BRINP3: variants seen among roughly 807,000 people sequenced by gnomAD.
The protein encoded by BRINP3 is BMP/retinoic acid-inducible neural-specific protein 3.
BRINP3 carries 19 observed loss-of-function variants against 71.0 expected under a neutral mutation model. The ratio of observed to expected loss-of-function variants is 0.27; its 90% CI spans 0.19 to 0.39. The LOEUF is 0.39. Ranked by LOEUF, BRINP3 falls within the 10% of genes least tolerant of loss-of-function variation. BRINP3 has a pLI of 1.00. For missense variants in BRINP3, 959 were observed against 940.8 expected, an observed-to-expected ratio of 1.02 and a Z score of -0.25; for synonymous variants, 380 against 337.7, an observed-to-expected ratio of 1.13 and a Z score of -1.37.
intron 4 of BRINP3, among the ~76,000 whole-genome samples, chr1:190,244,054 A>G (rs1299867945): frequency 6.6e-6 from 1 of 152,106 alleles, no homozygotes; most frequent in Non-Finnish European, 1.5e-5. Flanking sequence ...AGTGAATTGT[A>G]TAATTATTTC....
chr1:190,104,983 C>A (rs1415158720), intron 7 of BRINP3, among the ~76,000 whole-genome samples: 2 of 151,938 alleles, frequency 1.3e-5, no homozygotes, highest in Admixed American at 1.3e-4. Flanking sequence ...TTATTTCAGC[C>A]TTCATAGATT....
rs1558160185 is a variant in BRINP3 at position 190,301,156 on chromosome 1, T to TATATATAC, written c.237-19407_237-19406insGTATATAT. Among the ~76,000 whole-genome samples, 72 of 114,186 alleles carry TATATATAC rather than the reference T, an allele frequency of 6.3e-4. 1 individual carries two copies. Among genetic ancestry groups the TATATATAC allele is most frequent in the East Asian group, 5.0e-3 (21 of 4,218 alleles). The allele number at this position is 114,186 out of a possible 152,430, so 74.9% of individuals were successfully genotyped here. ...ATACATATATATATACACACATACATATATATATACATATATATACATATA... is the reference window on the plus strand; with the variant it reads ...ATACATATATATATACACACATACATATATATACATATATATACATATATATACATATA... On this transcript the variant is annotated intron_variant, in intron 2 of 7. Transcript: ENST00000367462.
intron 7 of BRINP3, among the ~76,000 whole-genome samples, chr1:190,113,530 G>A (rs1298737347): frequency 3.9e-5 from 6 of 152,164 alleles, no homozygotes; most frequent in Non-Finnish European, 8.8e-5. Flanking sequence ...CAAACAGCAT[G>A]TGTCTCCTTT....
intron 2 of BRINP3, among the ~76,000 whole-genome samples, chr1:190,367,040 A>G (rs1171135315): frequency 6.6e-6 from 1 of 152,136 alleles, no homozygotes; most frequent in Admixed American, 6.5e-5. Flanking sequence ...CATCTGGAGG[A>G]TAATGGCCCT....
intron 6 of BRINP3, among the ~76,000 whole-genome samples, chr1:190,195,102 T>A (rs1183300316): frequency 6.6e-6 from 1 of 152,028 alleles, no homozygotes; most frequent in African/African-American, 2.4e-5. Flanking sequence ...ATCGAATGCA[T>A]CACATAAGAG....
chr1:190,278,754 A>G (rs1179733283), intron 3 of BRINP3, among the ~76,000 whole-genome samples: 1 of 151,662 alleles, frequency 6.6e-6, no homozygotes, highest in African/African-American at 2.4e-5. Context: ...ATACTTGAAC[A>G]AAACTTTCAA....
At chr1:190,345,665 G>A (rs1050341532) in intron 2 of BRINP3, among the ~76,000 whole-genome samples, 5 of 141,198 alleles carry the variant, frequency 3.5e-5, no homozygotes, top group Non-Finnish European at 6.1e-5. Context: ...AACCTGTCAT[G>A]GAAAGAATTA....
intron 2 of BRINP3, chr1:190,302,724 G>A (rs1664824196): frequency 6.6e-6 from 1 of 151,804 alleles, no homozygotes; most frequent in Admixed American, 6.6e-5. Context: ...GTTGCTGAGA[G>A]CATAAATGTG....
At chr1:190,302,494 C>A (rs777235050) in intron 2 of BRINP3, among the ~76,000 whole-genome samples, 2 of 151,612 alleles carry the variant, frequency 1.3e-5, no homozygotes, top group African/African-American at 2.4e-5. Context: ...AGTAACTGTT[C>A]GGTATGTTAA....
chr1:190,178,441 C>A (rs932200233), intron 6 of BRINP3, among the ~76,000 whole-genome samples: 1 of 152,060 alleles, frequency 6.6e-6, no homozygotes, highest in African/African-American at 2.4e-5. Flanking sequence ...TTTGTATAAG[C>A]TGGTTGTAAT....
At chr1:190,442,157 A>C (rs1412470445) in intron 2 of BRINP3, among the ~76,000 whole-genome samples, 1 of 152,206 alleles carries the variant, frequency 6.6e-6, no homozygotes, top group Non-Finnish European at 1.5e-5. Flanking sequence ...TGTTAAACTT[A>C]CTGTTGTATT....
intron 7 of BRINP3, among the ~76,000 whole-genome samples, chr1:190,153,746 A>T (rs1302987130): frequency 6.6e-6 from 1 of 152,166 alleles, no homozygotes; most frequent in Non-Finnish European, 1.5e-5. Context: ...CTGTAGTCCC[A>T]GCTACTCAGG....
intron 2 of BRINP3, among the ~76,000 whole-genome samples, chr1:190,290,724 T>C (rs1204573129): frequency 6.6e-6 from 1 of 152,152 alleles, no homozygotes; most frequent in Non-Finnish European, 1.5e-5. Context: ...TATCTCCTTG[T>C]GATAAATGAG....
At chr1:190,129,224 AT>A (rs1050075609) in intron 7 of BRINP3, among the ~76,000 whole-genome samples, 2 of 151,688 alleles carry the variant, frequency 1.3e-5, no homozygotes, top group Non-Finnish European at 3.0e-5. Flanking sequence ...AACAAATCCT[AT>A]TTTTTTAGTC....
chr1:190,446,148 C>T (rs1675207079), intron 2 of BRINP3, among the ~76,000 whole-genome samples: 1 of 151,900 alleles, frequency 6.6e-6, no homozygotes, highest in African/African-American at 2.4e-5. Flanking sequence ...TTCCCAATGG[C>T]AACTGTATAT....
At chr1:190,122,198 C>G (rs952132676) in intron 7 of BRINP3, among the ~76,000 whole-genome samples, 2 of 152,146 alleles carry the variant, frequency 1.3e-5, no homozygotes, top group East Asian at 1.9e-4. Context: ...ACTTACATAG[C>G]CTTGAATTCA....
chr1:190,273,733 A>G (rs1251906703), intron 3 of BRINP3, among the ~76,000 whole-genome samples: 2 of 151,556 alleles, frequency 1.3e-5, no homozygotes, highest in Non-Finnish European at 3.0e-5. Context: ...GAACCTTCAT[A>G]CTGTTTACTT....
chr1:190,370,687 G>A (rs1378650499), intron 2 of BRINP3, among the ~76,000 whole-genome samples: 3 of 152,296 alleles, frequency 2.0e-5, no homozygotes, highest in Non-Finnish European at 2.9e-5. Context: ...CCTTCATGGC[G>A]AAGCCTGTGC....
intron 7 of BRINP3, among the ~76,000 whole-genome samples, chr1:190,140,166 TA>T (rs1558001480): frequency 6.6e-6 from 1 of 152,214 alleles, no homozygotes; most frequent in African/African-American, 2.4e-5. Flanking sequence ...GAGTATTTTT[TA>T]TTTTGTGAAA....
Sources: gnomAD v4.1 joint callset for allele counts (sites outside exome capture counted in the v4.1 genomes callset) on GRCh38, gnomAD v4.1.1 for gene constraint, MANE v1.5 for transcripts, NCBI Gene and HGNC (gene_info 2026-07-23, HGNC 2026-07-21) for gene names.